Variants in SATB2 observed in about 807,000 individuals in gnomAD.
The protein encoded by SATB2 is DNA-binding protein SATB2.
Under a neutral mutation model 73.4 loss-of-function variants are expected in SATB2, and 1 was observed. That is an observed-to-expected ratio of 0.01 (90% CI 0.00 to 0.06). The LOEUF is 0.06. SATB2 is among the 10% of genes least tolerant of loss of function. The pLI, the probability that SATB2 is intolerant of heterozygous loss-of-function variation, is 1.00. For missense variants in SATB2, 459 were observed against 945.8 expected, an observed-to-expected ratio of 0.49 and a Z score of 6.75; for synonymous variants, 397 against 367.0, an observed-to-expected ratio of 1.08 and a Z score of -0.93.
chr2:199,400,735 G>C (rs1690446844), intron 3 of SATB2, among the ~76,000 whole-genome samples: 1 of 152,104 alleles, frequency 6.6e-6, no homozygotes, highest in African/African-American at 2.4e-5. Context: ...GAGAACACCA[G>C]GGGACAGTTT....
At chr2:199,458,411 C>G (rs1158783466), upstream of SATB2, 1 of 374,794 alleles carries the variant, frequency 2.7e-6, no homozygotes, top group Non-Finnish European at 5.2e-6. Flanking sequence ...TGACGAGGAC[C>G]TCATGCACGA....
At chr2:199,285,827 T>A (rs1012819971) in intron 10 of SATB2, among the ~76,000 whole-genome samples, 1 of 147,340 alleles carries the variant, frequency 6.8e-6, no homozygotes, top group African/African-American at 2.5e-5. Flanking sequence ...AGCAAAATGG[T>A]AGGAAGTCTG....
At chr2:199,333,430 C>T (rs887317784) in intron 7 of SATB2, among the ~76,000 whole-genome samples, 5 of 152,082 alleles carry the variant, frequency 3.3e-5, no homozygotes, top group African/African-American at 1.2e-4. Context: ...TAAGACTTAA[C>T]TTAGCTGGAA....
chr2:199,319,571 G>A (rs992728710), intron 9 of SATB2, among the ~76,000 whole-genome samples: 7 of 151,916 alleles, frequency 4.6e-5, no homozygotes, highest in Non-Finnish European at 7.4e-5. Context: ...ACAGCCCTTC[G>A]GAAGTTTTTG....
Position 199,449,676 on chromosome 2 carries a change from T to C in SATB2, c.169+6193A>G, listed in dbSNP as rs575061419. Among the ~76,000 whole-genome samples the C allele has an allele frequency of 4.3e-4, 66 of 152,300 alleles. 2 individuals are homozygous for C. In the South Asian group the frequency reaches 0.013, roughly 31 times the overall value. ...TCCACTCAGGGCATCTACTTTGACTTTGAAATATTTATCACATTACATTTA... is the reference window on the plus strand; with the variant it reads ...TCCACTCAGGGCATCTACTTTGACTCTGAAATATTTATCACATTACATTTA... On this transcript the variant is annotated intron_variant, in intron 2 of 10. Coordinates refer to ENST00000417098, the MANE Select transcript of SATB2 (RefSeq NM_001172509.2).
chr2:199,416,767 T>C (rs747109728), intron 3 of SATB2, among the ~76,000 whole-genome samples: 1 of 152,178 alleles, frequency 6.6e-6, no homozygotes, highest in Admixed American at 6.5e-5. Flanking sequence ...CCAAGTGCGG[T>C]GACTCACACC....
intron 2 of SATB2, among the ~76,000 whole-genome samples, chr2:199,436,513 G>T (rs1691657917): frequency 6.6e-6 from 1 of 151,892 alleles, no homozygotes; most frequent in South Asian, 2.1e-4. Context: ...TGATAATAGG[G>T]TTTCTTCTGC....
At position 199,368,666 on chromosome 2, in the gene SATB2, A is replaced by G. The variant is rs1409791746; in HGVS notation, c.639T>C (p.Asn213=). The change falls in exon 6 of 11, where the codon AAT becomes AAC. Residue 213 remains asparagine, a synonymous_variant. Coordinates refer to ENST00000417098, the MANE Select transcript of SATB2 (RefSeq NM_001172509.2). ...SSIVNSTYYA[N]VSATKCQEFG... ...ACTCCTGGCACTTGGTTGCTGACAC[A>G]TTGGCATAATATGTGCTATTTACAA... The G allele has an allele frequency of 3.9e-5, 62 of 1,610,226 alleles. No homozygotes were observed. Among genetic ancestry groups the G allele is most frequent in the Non-Finnish European group, 5.3e-5 (62 of 1,176,916 alleles).
intron 2 of SATB2, among the ~76,000 whole-genome samples, chr2:199,452,116 T>A (rs1472860258): frequency 6.6e-6 from 1 of 152,004 alleles, no homozygotes; most frequent in East Asian, 1.9e-4. Context: ...CACCAAAAAA[T>A]CATAAAAATT....
At chr2:199,329,578 T>C (rs1239795212) in intron 7 of SATB2, among the ~76,000 whole-genome samples, 5 of 152,004 alleles carry the variant, frequency 3.3e-5, no homozygotes, top group African/African-American at 1.2e-4. Flanking sequence ...GAAACCCTAA[T>C]GTCACCATTA....
chr2:199,387,694 G>A (rs775863024), intron 3 of SATB2, among the ~76,000 whole-genome samples: 1 of 152,112 alleles, frequency 6.6e-6, no homozygotes, highest in Non-Finnish European at 1.5e-5. Context: ...GAATAAAACC[G>A]TCTATATCCA....
At chr2:199,320,252 C>T (rs1211981631) in intron 9 of SATB2, among the ~76,000 whole-genome samples, 1 of 152,118 alleles carries the variant, frequency 6.6e-6, no homozygotes, top group Non-Finnish European at 1.5e-5. Context: ...CCCCTAACTC[C>T]TAATTCACAG....
At chr2:199,305,785 T>G (rs1489082553) in intron 10 of SATB2, among the ~76,000 whole-genome samples, 2 of 152,208 alleles carry the variant, frequency 1.3e-5, no homozygotes, top group African/African-American at 2.4e-5. Flanking sequence ...CAGAAATCAC[T>G]GCCTCATATC....
intron 2 of SATB2, among the ~76,000 whole-genome samples, chr2:199,447,075 C>A (rs1039561408): frequency 6.6e-6 from 1 of 152,114 alleles, no homozygotes; most frequent in Non-Finnish European, 1.5e-5. Flanking sequence ...TATCCCCACC[C>A]TAAGTCAAGG....
rs532154050 is a variant in SATB2 at position 199,375,906 on chromosome 2, G to A, written c.597+4458C>T. ...GGAATGCTGGTGGAAATATACTGTT[G>A]AATTACTGTTTCACCTTGCTTAGAA... On this transcript the variant is annotated intron_variant, in intron 5 of 10. Coordinates refer to ENST00000417098, the MANE Select transcript of SATB2 (RefSeq NM_001172509.2). Among the ~76,000 whole-genome samples the A allele has an allele frequency of 7.9e-5, 12 of 152,256 alleles. No homozygotes were observed. The East Asian group carries it at 2.1e-3, about 27-fold the overall frequency.
chr2:199,441,839 G>C (rs978486495), intron 2 of SATB2, among the ~76,000 whole-genome samples: 3 of 152,204 alleles, frequency 2.0e-5, no homozygotes, highest in African/African-American at 7.2e-5. Flanking sequence ...GAAATTTAGT[G>C]GCAAGATCAA....
At chr2:199,300,183 G>C (rs1450966743) in intron 10 of SATB2, among the ~76,000 whole-genome samples, 1 of 151,578 alleles carries the variant, frequency 6.6e-6, no homozygotes, top group Non-Finnish European at 1.5e-5. Context: ...AGGAGGGAGG[G>C]AGGCAGGGAG....
intron 3 of SATB2, among the ~76,000 whole-genome samples, chr2:199,391,553 G>C (rs1383100841): frequency 6.6e-6 from 1 of 151,848 alleles, no homozygotes; most frequent in Non-Finnish European, 1.5e-5. Flanking sequence ...AATGCACACA[G>C]CTTCAGATGT....
chr2:199,307,546 G>A (rs1287297549), intron 10 of SATB2, among the ~76,000 whole-genome samples: 2 of 152,128 alleles, frequency 1.3e-5, no homozygotes, highest in Non-Finnish European at 2.9e-5. Flanking sequence ...TGTGGATATT[G>A]CAAGAGACTG....
Sources: gnomAD v4.1 joint callset for allele counts (sites outside exome capture counted in the v4.1 genomes callset) on GRCh38, gnomAD v4.1.1 for gene constraint, MANE v1.5 for transcripts, NCBI Gene and HGNC (gene_info 2026-07-23, HGNC 2026-07-21) for gene names.